The following ATXN8OS variants were observed in gnomAD, a reference collection of about 807,000 sequenced individuals.
ATXN8OS encodes the protein ATXN8 opposite strand lncRNA, also known as ATXN8 opposite strand (non-protein coding).
chr13:70,116,097 A>AT (rs746324096), intron 2 of ATXN8OS, among the ~76,000 whole-genome samples: 7 of 151,696 alleles, frequency 4.6e-5, no homozygotes, highest in Non-Finnish European at 7.4e-5. Flanking sequence ...ATTCAAACAC[A>AT]TTTTTTATTG....
intron 4 of ATXN8OS, among the ~76,000 whole-genome samples, chr13:70,165,592 A>C (rs968188463): frequency 6.6e-6 from 1 of 152,062 alleles, no homozygotes; most frequent in Non-Finnish European, 1.5e-5. Flanking sequence ...TCAGTGAATA[A>C]TTATCTGCGT....
intron 3 of ATXN8OS, among the ~76,000 whole-genome samples, chr13:70,142,887 A>T (rs1462002539): frequency 6.6e-6 from 1 of 152,214 alleles, no homozygotes; most frequent in South Asian, 2.1e-4. Flanking sequence ...CAACCTGACC[A>T]ACATGGAGAA....
intron 4 of ATXN8OS, among the ~76,000 whole-genome samples, chr13:70,162,059 G>T (rs1190191904): frequency 2.6e-5 from 4 of 152,004 alleles, no homozygotes; most frequent in Non-Finnish European, 5.9e-5. Context: ...AGGAAAAGAA[G>T]AAAGGGAGAT....
chr13:70,158,167 C>T (rs1208457541), intron 4 of ATXN8OS, among the ~76,000 whole-genome samples: 1 of 152,180 alleles, frequency 6.6e-6, no homozygotes, highest in Non-Finnish European at 1.5e-5. Flanking sequence ...CACCTGTAAT[C>T]CTAGCACTTT....
intron 4 of ATXN8OS, among the ~76,000 whole-genome samples, chr13:70,163,422 C>T (rs1889034278): frequency 1.3e-5 from 2 of 152,056 alleles, no homozygotes; most frequent in Admixed American, 6.6e-5. Context: ...CCCCATGAGA[C>T]TGTCACCATG....
At chr13:70,143,176 T>G (rs1311481461) in intron 3 of ATXN8OS, among the ~76,000 whole-genome samples, 2 of 152,228 alleles carry the variant, frequency 1.3e-5, no homozygotes, top group East Asian at 1.9e-4. Flanking sequence ...ATAAAATAAT[T>G]AAAACAAGTT....
chr13:70,155,008 ACC>A (rs1183501239), intron 4 of ATXN8OS, among the ~76,000 whole-genome samples: 2 of 152,074 alleles, frequency 1.3e-5, no homozygotes, highest in African/African-American at 4.8e-5. Flanking sequence ...AAGCTAGCCA[ACC>A]CCCTTTTGTG....
chr13:70,167,531 G>C (rs960361624), intron 4 of ATXN8OS, among the ~76,000 whole-genome samples: 1 of 151,766 alleles, frequency 6.6e-6, no homozygotes, highest in African/African-American at 2.4e-5. Context: ...GAGGGAGGAA[G>C]GATAGCATTA....
rs536245524 is a variant in ATXN8OS, at chr13:70,126,292, T to A, written n.399-3492T>A. On this transcript the variant is annotated intron_variant and non_coding_transcript_variant, in intron 2 of 4. Coordinates refer to ENST00000678624, the Ensembl canonical transcript of ATXN8OS. ...CAAAGATACAAGTTTCATAAATAGATACATGGACAGCTAATGTTCCCTCAC... is the reference window on the plus strand; with the variant it reads ...CAAAGATACAAGTTTCATAAATAGAAACATGGACAGCTAATGTTCCCTCAC... Among the ~76,000 whole-genome samples the A allele has an allele frequency of 3.2e-3, 482 of 152,262 alleles. 5 individuals carry two copies. Among genetic ancestry groups the A allele is most frequent in the African/African-American group, 0.01 (430 of 41,556 alleles).
chr13:70,168,323 T>C (rs1043462316), intron 4 of ATXN8OS, among the ~76,000 whole-genome samples: 2 of 152,122 alleles, frequency 1.3e-5, no homozygotes, highest in Non-Finnish European at 2.9e-5. Context: ...GGATTCAGGT[T>C]ATCTATCACC....
intron 2 of ATXN8OS, among the ~76,000 whole-genome samples, chr13:70,124,030 G>A (rs1464752140): frequency 2.7e-4 from 41 of 151,952 alleles, no homozygotes; most frequent in Admixed American, 1.3e-4. Flanking sequence ...TTAGAGACAC[G>A]ACATTAAATC....
At chr13:70,119,537 C>G (rs1328616) in intron 2 of ATXN8OS, among the ~76,000 whole-genome samples, 109,134 of 151,836 alleles carry the variant, frequency 0.72, 39,527 homozygotes, top group South Asian at 0.85. Context: ...CAAATGATAT[C>G]GTGTGTATAC....
chr13:70,162,165 G>A (rs902091130), intron 4 of ATXN8OS, among the ~76,000 whole-genome samples: 6 of 152,010 alleles, frequency 3.9e-5, no homozygotes, highest in Admixed American at 6.6e-5. Flanking sequence ...AAGTACATAC[G>A]CTAGCCTGAC....
intron 4 of ATXN8OS, among the ~76,000 whole-genome samples, chr13:70,157,913 T>C (rs556248273): frequency 6.6e-6 from 1 of 152,156 alleles, no homozygotes; most frequent in Non-Finnish European, 1.5e-5. Context: ...ATCCATGATT[T>C]AAAATTTCCA....
intron 2 of ATXN8OS, among the ~76,000 whole-genome samples, chr13:70,126,633 A>T (rs1254410146): frequency 6.6e-6 from 1 of 151,584 alleles, no homozygotes; most frequent in Non-Finnish European, 1.5e-5. Flanking sequence ...GAAATCTTAC[A>T]TGGGCAGGTA....
intron 4 of ATXN8OS, among the ~76,000 whole-genome samples, chr13:70,168,610 A>G (rs1241003747): frequency 1.1e-5 from 1 of 91,282 alleles, no homozygotes; most frequent in South Asian, 3.6e-4. Context: ...TTTTTTTTTT[A>G]GCTCCCAATA....
intron 3 of ATXN8OS, chr13:70,139,279 A>G: frequency 2.0e-6 from 1 of 502,204 alleles, no homozygotes; most frequent in Non-Finnish European, 3.5e-6. Context: ...GGAGAGATTA[A>G]CTCTGTTGGC....
chr13:70,163,358 T>G (rs2137506035), intron 4 of ATXN8OS, among the ~76,000 whole-genome samples: 1 of 152,054 alleles, frequency 6.6e-6, no homozygotes, highest in Admixed American at 6.6e-5. Context: ...TCTTAATTAT[T>G]ACACAAAATC....
chr13:70,145,436 T>G (rs1490682263), intron 3 of ATXN8OS, among the ~76,000 whole-genome samples: 1 of 151,864 alleles, frequency 6.6e-6, no homozygotes, highest in African/African-American at 2.4e-5. Context: ...ATAAATTACC[T>G]TGGGCAGTAT....
Sources: allele counts gnomAD v4.1 joint callset (sites outside exome capture counted in the v4.1 genomes callset), GRCh38; gene constraint gnomAD v4.1.1; transcripts MANE v1.5; gene names NCBI Gene and HGNC (gene_info 2026-07-23, HGNC 2026-07-21).